Variants in GTF2H3 observed in about 807,000 individuals in gnomAD.
The protein encoded by GTF2H3 is TFIIH basal transcription factor complex p34 subunit.
A neutral mutation model predicts 51.1 loss-of-function variants in GTF2H3; 42 were observed. That is an observed-to-expected ratio of 0.82 (90% CI 0.64 to 1.06). The LOEUF is 1.06. Ranked by LOEUF, GTF2H3 falls within the 50% of genes least tolerant of loss-of-function variation. The pLI is 0.00. For synonymous variants in GTF2H3, 123 were observed against 123.8 expected, an observed-to-expected ratio of 0.99 and a Z score of 0.04; for missense variants, 326 against 366.1, an observed-to-expected ratio of 0.89 and a Z score of 0.89.
chr12:123,641,058 G>A (rs1955364293), intron 2 of GTF2H3, among the ~76,000 whole-genome samples: 1 of 152,118 alleles, frequency 6.6e-6, no homozygotes, highest in Admixed American at 6.6e-5. Flanking sequence ...GCGCTGAGGT[G>A]GGAGGATCAC....
At chr12:123,652,057 G>A (rs1182453443) in intron 5 of GTF2H3, among the ~76,000 whole-genome samples, 1 of 152,232 alleles carries the variant, frequency 6.6e-6, no homozygotes, top group Non-Finnish European at 1.5e-5. Flanking sequence ...TAAATGAGTG[G>A]CTCCTTCTCC....
At chr12:123,636,091 A>G (rs1955279043) in intron 1 of GTF2H3, among the ~76,000 whole-genome samples, 1 of 152,260 alleles carries the variant, frequency 6.6e-6, no homozygotes, top group South Asian at 2.1e-4. Flanking sequence ...ATATACCATT[A>G]AGAAAGAAAA....
chr12:123,638,251 C>T (rs575721533), intron 1 of GTF2H3, among the ~76,000 whole-genome samples: 44 of 152,046 alleles, frequency 2.9e-4, no homozygotes, highest in Admixed American at 3.9e-4. Context: ...CTCCGCCTCC[C>T]GGGTTCAAGT....
At chr12:123,640,534 C>T (rs894399672) in intron 2 of GTF2H3, among the ~76,000 whole-genome samples, 1 of 150,474 alleles carries the variant, frequency 6.6e-6, no homozygotes, top group Admixed American at 6.6e-5. Flanking sequence ...GTTGGAGTTT[C>T]ACCATGTTGG....
chr12:123,655,503 T>C (rs1163426204), intron 8 of GTF2H3: 1 of 417,682 alleles, frequency 2.4e-6, no homozygotes, highest in Admixed American at 4.0e-5. Flanking sequence ...TTCTCTGTTG[T>C]GGAGTGGCAG....
chr12:123,634,065 A>AT (rs1024827762), intron 1 of GTF2H3, among the ~76,000 whole-genome samples, 193 bp downstream of exon 1: 6 of 152,304 alleles, frequency 3.9e-5, no homozygotes, highest in African/African-American at 1.4e-4. Flanking sequence ...TATTTTCTGG[A>AT]TTTTAGCAGA....
chr12:123,638,811 T>TG (rs1451720717), intron 1 of GTF2H3, among the ~76,000 whole-genome samples: 2 of 150,550 alleles, frequency 1.3e-5, no homozygotes, highest in African/African-American at 4.9e-5. Flanking sequence ...TTTTTTTTTT[T>TG]TTGAGACAGA....
At chr12:123,638,898 C>T (rs1955327248) in intron 1 of GTF2H3, among the ~76,000 whole-genome samples, 1 of 151,308 alleles carries the variant, frequency 6.6e-6, no homozygotes, top group Admixed American at 6.6e-5. Context: ...TGGGTTCACG[C>T]CATTCTCCTG....
At chr12:123,634,616 T>G (rs1217552461) in intron 1 of GTF2H3, among the ~76,000 whole-genome samples, 1 of 152,098 alleles carries the variant, frequency 6.6e-6, no homozygotes, top group African/African-American at 2.4e-5. Context: ...TTATGTGAAG[T>G]TCTGGGGGAA....
At position 123,661,642 on chromosome 12, in the gene GTF2H3, A is replaced by G. The variant is rs1415256524; in HGVS notation, c.*1407A>G. ...GGTGACAGAGCGAGACTCTGTATCA[A>G]AAAAAAAAAAGATCGGGCACGTTGG... is the stretch of plus-strand genomic sequence containing the variant. On this transcript the variant is annotated 3_prime_UTR_variant, in exon 13 of 13. Coordinates refer to ENST00000543341, the MANE Select transcript of GTF2H3 (RefSeq NM_001516.5). 2 of 146,518 alleles carry G rather than the reference A, an allele frequency of 1.4e-5. No individual in the cohort carries two copies. The highest frequency in any genetic ancestry group is 3.0e-5 in the Non-Finnish European group (2 of 66,338). 9.1% of individuals were successfully genotyped at this position (146,518 alleles called of 1,614,324 possible).
intron 9 of GTF2H3, among the ~76,000 whole-genome samples, chr12:123,658,275 A>G (rs1452920679): frequency 6.6e-6 from 1 of 151,862 alleles, no homozygotes; most frequent in Non-Finnish European, 1.5e-5. Flanking sequence ...CTGGAGTGCA[A>G]TGGTACGATC....
At chr12:123,636,285 G>C (rs1049385895) in intron 1 of GTF2H3, among the ~76,000 whole-genome samples, 3 of 152,200 alleles carry the variant, frequency 2.0e-5, no homozygotes, top group Non-Finnish European at 2.9e-5. Context: ...TGCAGAGGAG[G>C]CTGGCATTCC....
chr12:123,648,283 G>A lies in GTF2H3; in HGVS notation c.364+157G>A, dbSNP rs11572961. 5.0e-3 allele frequency: 2,700 copies of A among 538,648 alleles called. 51 individuals are homozygous for A. The highest frequency in any genetic ancestry group is 0.05 in the Admixed American group (1,370 of 27,628). 33.4% of individuals were successfully genotyped at this position (538,648 alleles called of 1,614,324 possible). A position where few individuals can be genotyped will look rare whatever the true frequency, so the allele number is the denominator to read the frequency against. ...TCAAAGTTGGTTCATTATTTGCCTAGCCTCTACAGCATTTGACGCTGCTGA... is the reference window on the plus strand; with the variant it reads ...TCAAAGTTGGTTCATTATTTGCCTAACCTCTACAGCATTTGACGCTGCTGA... On this transcript the variant is annotated intron_variant, in intron 4 of 12. Transcript: ENST00000543341.
chr12:123,638,249 C>T (rs937638366), intron 1 of GTF2H3, among the ~76,000 whole-genome samples: 54 of 152,106 alleles, frequency 3.6e-4, no homozygotes, highest in African/African-American at 1.2e-3. Context: ...GCCTCCGCCT[C>T]CCGGGTTCAA....
Position 123,654,905 on chromosome 12 carries a change from A to T in GTF2H3, c.487-19A>T, listed in dbSNP as rs991627653. On this transcript the variant is annotated intron_variant, in intron 7 of 12. Coordinates refer to ENST00000543341, the MANE Select transcript of GTF2H3 (RefSeq NM_001516.5). ...ACTGGCATGTGCCTGGGTGGAATTA[A>T]CATGACTGTGATTTTTAGGTGATTA... The T allele has an allele frequency of 1.3e-6, 2 of 1,589,002 alleles. No homozygotes were observed. The highest frequency in any genetic ancestry group is 1.7e-6 in the Non-Finnish European group (2 of 1,157,014).
rs985462475 is a variant in GTF2H3 at position 123,654,951 on chromosome 12, T to C, written c.514T>C (p.Leu172=). The C allele has an allele frequency of 6.2e-7, 1 of 1,613,502 alleles. No individual in the cohort carries two copies. The highest frequency in any genetic ancestry group is 8.5e-7 in the Non-Finnish European group (1 of 1,179,388). ...LVIKAAEDSA[L]QYMNFMNVIF... ...GATTAAGGCTGCAGAAGACAGTGCG[T>C]TGCAGTATATGAACTTCATGAATGT... The change falls in exon 8 of 13, where the codon TTG becomes CTG. Residue 172 remains leucine, a synonymous_variant. Transcript: ENST00000543341.
intron 4 of GTF2H3, among the ~76,000 whole-genome samples, 170 bp from the exon 5 acceptor site, chr12:123,650,824 A>G (rs1566230223): frequency 6.6e-6 from 1 of 152,254 alleles, no homozygotes; most frequent in Non-Finnish European, 1.5e-5. Context: ...GTTAACCATT[A>G]CCAAGAACAC....
chr12:123,647,897 T>C, intron 3 of GTF2H3, 66 bp from the exon 4 acceptor site: 1 of 1,108,812 alleles, frequency 9.0e-7, no homozygotes, highest in Non-Finnish European at 1.3e-6. Flanking sequence ...TGAATTTCAT[T>C]CTGATCATGA....
intron 9 of GTF2H3, among the ~76,000 whole-genome samples, chr12:123,656,840 A>G (rs546572559): frequency 5.3e-5 from 8 of 152,180 alleles, no homozygotes; most frequent in Non-Finnish European, 1.2e-4. Flanking sequence ...TAATCTCAGC[A>G]CTTGGGAGGC....
Sources: gnomAD v4.1 joint callset for allele counts (sites outside exome capture counted in the v4.1 genomes callset) on GRCh38, gnomAD v4.1.1 for gene constraint, MANE v1.5 for transcripts, NCBI Gene and HGNC (gene_info 2026-07-23, HGNC 2026-07-21) for gene names.